The following DRC8 variants were observed in gnomAD, a reference collection of about 807,000 sequenced individuals.
The protein encoded by DRC8 is dynein regulatory complex protein 8.
At chr1:245,033,766 G>A in the DRC8 span, among the ~76,000 whole-genome samples, 3 of 151,676 alleles carry the variant, frequency 2.0e-5, no homozygotes, top group Admixed American at 2.0e-4. Flanking sequence ...CACTTGCCCA[G>A]GCTGGAGTGC....
chr1:245,053,673 T>C, the DRC8 span, among the ~76,000 whole-genome samples: 1 of 152,182 alleles, frequency 6.6e-6, no homozygotes, highest in Non-Finnish European at 1.5e-5. Flanking sequence ...ATCAGGCCTT[T>C]GTGATTCGAG....
chr1:245,047,236 GA>G, the DRC8 span, among the ~76,000 whole-genome samples: 1 of 152,210 alleles, frequency 6.6e-6, no homozygotes, highest in Non-Finnish European at 1.5e-5. Context: ...GCTGTGGACT[GA>G]AAACCTTACT....
At chr1:245,006,970 A>C in the DRC8 span, among the ~76,000 whole-genome samples, 1 of 143,860 alleles carries the variant, frequency 7.0e-6, no homozygotes, top group African/African-American at 2.5e-5. Flanking sequence ...AACAACAACA[A>C]AAAACCCCAG....
chr1:245,042,604 T>G, the DRC8 span, among the ~76,000 whole-genome samples: 1 of 152,262 alleles, frequency 6.6e-6, no homozygotes, highest in Non-Finnish European at 1.5e-5. Context: ...GTTCAAATAT[T>G]TGTTAAATGA....
At chr1:245,104,534 T>A in the DRC8 span, among the ~76,000 whole-genome samples, 1 of 150,940 alleles carries the variant, frequency 6.6e-6, no homozygotes, top group African/African-American at 2.4e-5. Context: ...GAAAAAAGAA[T>A]AGGCTAAATG....
chr1:245,088,799 GT>G, the DRC8 span, among the ~76,000 whole-genome samples: 2 of 152,160 alleles, frequency 1.3e-5, no homozygotes, highest in Non-Finnish European at 2.9e-5. The surrounding 1 kb of genome is among the most constrained non-coding windows in gnomAD (Gnocchi z 4.6). Context: ...ATTTCAGCAG[GT>G]GAGCAGCAAG....
At chr1:245,088,354 C>T in the DRC8 span, among the ~76,000 whole-genome samples, 1 of 70,390 alleles carries the variant, frequency 1.4e-5, no homozygotes, top group Non-Finnish European at 3.5e-5. This position sits in a 1 kb window ranked among gnomAD's most constrained non-coding sequence, Gnocchi z 4.6. Flanking sequence ...ACACACGGGT[C>T]TCTATTTGAA....
At chr1:245,069,966 G>A in the DRC8 span, among the ~76,000 whole-genome samples, 6 of 152,114 alleles carry the variant, frequency 3.9e-5, no homozygotes, top group Non-Finnish European at 8.8e-5. Flanking sequence ...GGTCACTTTT[G>A]CCCAGGAGTT....
At chr1:245,082,472 A>G in the DRC8 span, among the ~76,000 whole-genome samples, 1 of 152,238 alleles carries the variant, frequency 6.6e-6, no homozygotes, top group Admixed American at 6.5e-5. Flanking sequence ...ATATTTTTCT[A>G]GCAAAAATAT....
the DRC8 span, among the ~76,000 whole-genome samples, chr1:245,061,461 G>T: frequency 1.3e-5 from 2 of 152,038 alleles, no homozygotes; most frequent in African/African-American, 4.8e-5. Context: ...TACCAGTAGG[G>T]GTCACTGAGC....
the DRC8 span, among the ~76,000 whole-genome samples, chr1:245,004,645 G>A: frequency 6.6e-6 from 1 of 152,164 alleles, no homozygotes; most frequent in African/African-American, 2.4e-5. Flanking sequence ...GACCAAAGTA[G>A]CTTCAGAAAT....
At chr1:245,100,979 G>A in the DRC8 span, among the ~76,000 whole-genome samples, 4 of 152,104 alleles carry the variant, frequency 2.6e-5, no homozygotes, top group South Asian at 8.3e-4. Context: ...CCGCCTCCCG[G>A]GTTCCAGCGA....
the DRC8 span, among the ~76,000 whole-genome samples, chr1:244,984,213 G>C: frequency 5.6e-3 from 852 of 152,168 alleles, 13 homozygotes; most frequent in African/African-American, 0.019. Context: ...AATTCTGTGA[G>C]TACCTTGTGA....
chr1:245,000,626 A>G, the DRC8 span, among the ~76,000 whole-genome samples: 4 of 152,022 alleles, frequency 2.6e-5, no homozygotes, highest in African/African-American at 9.7e-5. Flanking sequence ...TAAAAATACA[A>G]AAAAATTAGC....
At chr1:245,119,068 T>C in the DRC8 span, among the ~76,000 whole-genome samples, 2 of 152,164 alleles carry the variant, frequency 1.3e-5, no homozygotes, top group African/African-American at 2.4e-5. Flanking sequence ...CTGGCTGTTA[T>C]GCGAGGGTGG....
At chr1:245,076,851 C>G in the DRC8 span, among the ~76,000 whole-genome samples, 2 of 152,022 alleles carry the variant, frequency 1.3e-5, no homozygotes, top group South Asian at 4.1e-4. Context: ...CTCAGCCTCC[C>G]GAGTAGCTGG....
the DRC8 span, among the ~76,000 whole-genome samples, chr1:245,120,092 A>G: frequency 2.6e-5 from 4 of 152,302 alleles, no homozygotes; most frequent in South Asian, 8.3e-4. Context: ...AACTGACCTA[A>G]TTTATTTTTT....
the DRC8 span, among the ~76,000 whole-genome samples, chr1:245,010,330 A>G: frequency 2.0e-5 from 3 of 152,184 alleles, no homozygotes; most frequent in Admixed American, 6.5e-5. Context: ...TGGAATGAAC[A>G]CTATGCTCTT....
chr1:245,034,238 G>A, the DRC8 span, among the ~76,000 whole-genome samples: 2 of 152,036 alleles, frequency 1.3e-5, no homozygotes, highest in Admixed American at 6.5e-5. Context: ...TTAGTTCAAA[G>A]GTAAAATTTT....
Sources: allele counts gnomAD v4.1 joint callset (sites outside exome capture counted in the v4.1 genomes callset), GRCh38; gene constraint gnomAD v4.1.1; non-coding constraint Gnocchi (gnomAD v3.1); transcripts MANE v1.5; gene names NCBI Gene and HGNC (gene_info 2026-07-23, HGNC 2026-07-21).